PDZD4: variants seen among roughly 807,000 people sequenced by gnomAD.
The protein encoded by PDZD4 is PDZ domain containing 4.
Under a neutral mutation model 38.5 loss-of-function variants are expected in PDZD4, and 9 were observed. That is an observed-to-expected ratio of 0.23 (90% confidence interval 0.14 to 0.41). PDZD4 has a LOEUF of 0.41. Among genes scored for constraint, PDZD4 ranks in the 10% least tolerant of loss-of-function variants. The pLI is 1.00. For synonymous variants in PDZD4, 349 were observed against 315.7 expected (o/e 1.11, Z -1.12); for missense variants, 612 against 722.0 (o/e 0.85, Z 1.75).
At chrX:153,821,715 C>T (rs374142092) in intron 1 of PDZD4, among the ~76,000 whole-genome samples, 43 of 111,322 alleles carry the variant, frequency 3.9e-4, no homozygotes, top group South Asian at 1.1e-3. Context: ...ACTCAGAGCG[C>T]GCCCTGGAGG....
intron 3 of PDZD4, 123 bp from the exon 4 acceptor site, chrX:153,806,963 C>T (rs1195874746): frequency 3.4e-6 from 2 of 592,625 alleles, no homozygotes; most frequent in African/African-American, 4.5e-5. Context: ...CCTCAGCTTC[C>T]TCTGGAGCCC....
rs368296370 is a variant in PDZD4, at chrX:153,807,337, G to A, written c.347C>T (p.Ala116Val). The part of the protein sequence containing the change: ...PPISHEYYDP[A>V]EFMEGGPQEA... ...CTGCGGGCCGCCCTCCATAAACTCCGCCGGGTCATAATACTCATGGCTGAT... is the reference window on the plus strand; with the variant it reads ...CTGCGGGCCGCCCTCCATAAACTCCACCGGGTCATAATACTCATGGCTGAT... Residue 116 changes from alanine to valine, a missense_variant, in exon 3 of 8, where the codon GCG becomes GTG. Coordinates refer to ENST00000393758, the MANE Select transcript of PDZD4 (RefSeq NM_001303512.2). 7 of 1,208,390 alleles carry A rather than the reference G, an allele frequency of 5.8e-6. No homozygotes were observed. The highest frequency in any genetic ancestry group is 3.5e-5 in the South Asian group (2 of 56,450).
chrX:153,830,462 C>G lies in PDZD4; in HGVS notation c.-164G>C, dbSNP rs2064531803. The stretch of plus-strand genomic sequence containing the variant: ...GGGCACGCCCCCGAGGTGGGGGCAG[C>G]GGCTCGCCCCTCAGGTTAACTCTTC... On this transcript the variant is annotated 5_prime_UTR_variant, in exon 1 of 8. Coordinates refer to ENST00000393758, the MANE Select transcript of PDZD4 (RefSeq NM_001303512.2). 1 of 399,037 alleles carries G rather than the reference C, an allele frequency of 2.5e-6. No homozygotes were observed. The allele number at this position is 399,037 out of a possible 1,213,427, so 32.9% of individuals were successfully genotyped here.
chrX:153,821,860 G>A (rs1271644834), intron 1 of PDZD4, among the ~76,000 whole-genome samples: 3 of 111,436 alleles, frequency 2.7e-5, no homozygotes, highest in South Asian at 7.5e-4. Context: ...CCGGGAGAGC[G>A]GCGGCCTCTC....
At position 153,803,616 on chromosome X, in the gene PDZD4, G is replaced by T; in HGVS notation, c.2065C>A (p.Gln689Lys). The T allele has an allele frequency of 8.3e-7, 1 of 1,210,266 alleles. No homozygotes were observed. Among genetic ancestry groups the T allele is most frequent in the Non-Finnish European group, 1.1e-6 (1 of 895,567 alleles). ...GRYWSKEERKQHLIRAREQRK... is the reference protein window; with the variant it reads ...GRYWSKEERKKHLIRAREQRK... ...TGCTCACGGGCCCGGATCAGGTGCTGCTTCCGCTCCTCCTTGCTCCAGTAG... is the reference window on the plus strand; with the variant it reads ...TGCTCACGGGCCCGGATCAGGTGCTTCTTCCGCTCCTCCTTGCTCCAGTAG... Residue 689 changes from glutamine to lysine, a missense_variant, in exon 8 of 8, where the codon CAG becomes AAG. Coordinates refer to ENST00000393758, the MANE Select transcript of PDZD4 (RefSeq NM_001303512.2).
rs377400520 is a variant in PDZD4, at chrX:153,822,083, G to C, written c.60+8156C>G. ...CAGGTGCCTGTAATCCCAGCTACTC[G>C]GGAGGCTGAGGCAGAATTGCTTGAA... On this transcript the variant is annotated intron_variant, in intron 1 of 7. Coordinates refer to ENST00000393758, the MANE Select transcript of PDZD4 (RefSeq NM_001303512.2). Among the ~76,000 whole-genome samples, 21 of 108,106 alleles carry C rather than the reference G, an allele frequency of 1.9e-4. No homozygotes were observed. The South Asian group carries it at 8.0e-3, about 41-fold the overall frequency. The allele number at this position is 108,106 out of a possible 115,157, so 93.9% of individuals were successfully genotyped here. A position where few individuals can be genotyped will look rare whatever the true frequency, so the allele number is the denominator to read the frequency against.
chrX:153,819,339 G>A (rs113999325), intron 1 of PDZD4, among the ~76,000 whole-genome samples: 26,662 of 112,576 alleles, frequency 0.24, 3,196 homozygotes, highest in Non-Finnish European at 0.37. Context: ...GAATCTCTGG[G>A]AAGCCGAGAA....
intron 6 of PDZD4, 107 bp downstream of exon 6, chrX:153,805,398 C>CCAAAAAA (rs2148458272): frequency 3.6e-6 from 2 of 553,472 alleles, no homozygotes; most frequent in Non-Finnish European, 6.0e-6. Context: ...ACCCGCCCTC[C>CCAAAAAA]ATCAACTCCA....
At chrX:153,819,250 C>T (rs1356746648) in intron 1 of PDZD4, among the ~76,000 whole-genome samples, 1 of 113,100 alleles carries the variant, frequency 8.8e-6, no homozygotes, top group African/African-American at 3.2e-5. Context: ...TGTTTCCAGG[C>T]TCTGCCCCAG....
chrX:153,823,717 G>GA (rs1291522842), intron 1 of PDZD4, among the ~76,000 whole-genome samples: 6 of 112,379 alleles, frequency 5.3e-5, no homozygotes, highest in Non-Finnish European at 1.1e-4. Flanking sequence ...CACCCAGTGA[G>GA]ATCCCGGGGG....
At chrX:153,817,134 C>T (rs782613639) in intron 1 of PDZD4, among the ~76,000 whole-genome samples, 44 of 111,332 alleles carry the variant, frequency 4.0e-4, no homozygotes, top group African/African-American at 1.4e-3. Context: ...TGGAGCCTCA[C>T]GCCTTGCTGC....
At position 153,804,110 on chromosome X, in the gene PDZD4, G is replaced by C. The variant is rs1412571213; in HGVS notation, c.1571C>G (p.Ala524Gly). 12 of 1,150,846 alleles carry C rather than the reference G, an allele frequency of 1.0e-5. No individual in the cohort carries two copies. Among genetic ancestry groups the C allele is most frequent in the Non-Finnish European group, 1.3e-5 (11 of 869,061 alleles). The allele number at this position is 1,150,846 out of a possible 1,213,427, so 94.8% of individuals were successfully genotyped here. Reference sequence around the variant, plus strand: ...CTTGGCGGGGCTCCCCGGTGGAGGAGCTGCCTTGGCGGGGGTGGCAACAGC... The same window carrying C: ...CTTGGCGGGGCTCCCCGGTGGAGGACCTGCCTTGGCGGGGGTGGCAACAGC... ...GPAVATPAKA[A>G]PPPGSPAKFR... The change falls in exon 8 of 8, where the codon GCT becomes GGT. Residue 524 changes from alanine to glycine, a missense_variant. Ala to Gly is a moderately conservative substitution (Grantham distance 60). This residue lies in a region of PDZD4 where 300 missense variants were observed against 284.6 expected (regional missense o/e 1.05). Transcript: ENST00000393758.
At chrX:153,830,035 C>A in intron 1 of PDZD4, 1 of 612,262 alleles carries the variant, frequency 1.6e-6, no homozygotes, top group Non-Finnish European at 2.2e-6. Context: ...CCACCCGGGC[C>A]AACCCCAACT....
At position 153,819,502 on chromosome X, in the gene PDZD4, C is replaced by T. The variant is rs781819842; in HGVS notation, c.60+10737G>A. On this transcript the variant is annotated intron_variant, in intron 1 of 7. Coordinates refer to ENST00000393758, the MANE Select transcript of PDZD4 (RefSeq NM_001303512.2). ...TCACTTCCAGGGGCCCCCGTGGCTG[C>T]CACGGAGGTGGGGGGGCTGCCACCT... Among the ~76,000 whole-genome samples the T allele has an allele frequency of 2.7e-5, 3 of 112,333 alleles. No individual in the cohort carries two copies. The South Asian group carries it at 1.1e-3, about 41-fold the overall frequency.
At position 153,826,582 on chromosome X, in the gene PDZD4, T is replaced by C. The variant is rs782661392; in HGVS notation, c.60+3657A>G. ...CATCACCATGCCCCGTTAATTTTTTTTGTATTTTTAGTAGAGACGGGGTTC... is the reference window on the plus strand; with the variant it reads ...CATCACCATGCCCCGTTAATTTTTTCTGTATTTTTAGTAGAGACGGGGTTC... On this transcript the variant is annotated intron_variant, in intron 1 of 7. Transcript: ENST00000393758. Among the ~76,000 whole-genome samples the C allele has an allele frequency of 3.6e-5, 4 of 110,321 alleles. No homozygotes were observed. The East Asian group carries it at 1.1e-3, about 31-fold the overall frequency.
chrX:153,820,374 A>G (rs2064410305), intron 1 of PDZD4, among the ~76,000 whole-genome samples: 1 of 97,419 alleles, frequency 1.0e-5, no homozygotes, highest in African/African-American at 4.0e-5. Context: ...AAAAAAAAAA[A>G]GCGAGGCGTG....
chrX:153,809,308 C>T (rs1031308225), intron 1 of PDZD4, among the ~76,000 whole-genome samples: 2 of 112,839 alleles, frequency 1.8e-5, no homozygotes, highest in Admixed American at 9.3e-5. Context: ...ACCACTAGGC[C>T]GGGTGCGGTG....
At chrX:153,808,115 C>T (rs934506500) in intron 2 of PDZD4, 14 of 1,068,513 alleles carry the variant, frequency 1.3e-5, no homozygotes, top group African/African-American at 3.8e-5. Context: ...AGCGACGTCC[C>T]GGACAGGAGG....
At chrX:153,818,714 A>C (rs1463126613) in intron 1 of PDZD4, among the ~76,000 whole-genome samples, 1 of 110,957 alleles carries the variant, frequency 9.0e-6, no homozygotes, top group Admixed American at 9.5e-5. Context: ...CGGGTGGGGA[A>C]GCTCGACCTG....
Sources: gnomAD v4.1 joint callset for allele counts (sites outside exome capture counted in the v4.1 genomes callset) on GRCh38, gnomAD v4.1.1 for gene constraint, gnomAD v4.1.1 regional missense constraint, MANE v1.5 for transcripts, NCBI Gene and HGNC (gene_info 2026-07-23, HGNC 2026-07-21) for gene names.